The following EPB41L4B variants were observed in gnomAD, a reference collection of about 807,000 sequenced individuals.
EPB41L4B encodes erythrocyte membrane protein band 4.1 like 4B.
EPB41L4B carries 30 observed loss-of-function variants against 112.5 expected under a neutral mutation model. The observed-to-expected ratio is 0.27, with a 90% confidence interval of 0.20 to 0.36. The LOEUF is 0.36. Ranked by LOEUF, EPB41L4B falls within the 10% of genes least tolerant of loss-of-function variation. The pLI is 1.00. For synonymous variants in EPB41L4B, 408 were observed against 439.7 expected (o/e 0.93, Z 0.90); for missense variants, 1,024 against 1,133.3 (o/e 0.90, Z 1.38).
intron 1 of EPB41L4B, among the ~76,000 whole-genome samples, chr9:109,284,970 G>A (rs550764551): frequency 4.6e-5 from 7 of 152,218 alleles, no homozygotes; most frequent in Non-Finnish European, 8.8e-5. Context: ...AATTGGGCCA[G>A]GAGGAAGCAA....
chr9:109,262,666 G>T (rs76102893), intron 6 of EPB41L4B, among the ~76,000 whole-genome samples: 39 of 152,166 alleles, frequency 2.6e-4, no homozygotes, highest in Admixed American at 7.2e-4. Context: ...ACTGCTGACT[G>T]CATGAAATTC....
At chr9:109,279,711 T>C in intron 2 of EPB41L4B, 106 bp downstream of exon 2, 9 of 932,756 alleles carry the variant, frequency 9.6e-6, no homozygotes, top group Non-Finnish European at 1.2e-5. Context: ...TGGCACAGTA[T>C]CACAGTTTTA....
rs114360932 is a variant in EPB41L4B, at chr9:109,316,419, A to G, written c.306+3722T>C. Among the ~76,000 whole-genome samples the G allele has an allele frequency of 6.0e-3, 907 of 152,354 alleles. 9 individuals carry two copies. Among genetic ancestry groups the G allele is most frequent in the Middle Eastern group, 0.027 (8 of 294 alleles). Reference sequence around the variant, plus strand: ...CAAAAGCGATGCCAGGGATTTAGTCAACAGAGAGCTAATATGAGTCAACAG... The same window carrying G: ...CAAAAGCGATGCCAGGGATTTAGTCGACAGAGAGCTAATATGAGTCAACAG... On this transcript the variant is annotated intron_variant, in intron 1 of 25. Transcript: ENST00000374566.
chr9:109,240,595 T>C (rs2118953509), intron 15 of EPB41L4B: 1 of 985,382 alleles, frequency 1.0e-6, no homozygotes, highest in East Asian at 1.1e-4. Flanking sequence ...GGGAAATAAA[T>C]ATTTTGGTAC....
chr9:109,245,968 G>A (rs1387354213), intron 14 of EPB41L4B, among the ~76,000 whole-genome samples: 2 of 152,352 alleles, frequency 1.3e-5, no homozygotes, highest in East Asian at 3.9e-4. Context: ...AGAGGGCACA[G>A]GCAGTGCTCA....
intron 16 of EPB41L4B, 79 bp from the exon 17 acceptor site, chr9:109,213,897 C>A: frequency 7.7e-7 from 1 of 1,296,220 alleles, no homozygotes; most frequent in Non-Finnish European, 1.1e-6. Flanking sequence ...CACTTGCCAG[C>A]GCCCGATTCC....
intron 12 of EPB41L4B, 71 bp downstream of exon 12, chr9:109,253,370 C>T (rs1834864364): frequency 1.8e-6 from 2 of 1,083,858 alleles, no homozygotes; most frequent in Non-Finnish European, 2.8e-6. Context: ...AGCTGCTTGA[C>T]CAAGCTCCTC....
intron 9 of EPB41L4B, 98 bp from the exon 10 acceptor site, chr9:109,255,941 A>G (rs1834966709): frequency 2.3e-6 from 3 of 1,305,016 alleles, no homozygotes; most frequent in Non-Finnish European, 3.2e-6. Flanking sequence ...TTAGACTAAA[A>G]AAAAAATAAA....
intron 13 of EPB41L4B, among the ~76,000 whole-genome samples, chr9:109,249,305 A>G (rs1834690193): frequency 6.6e-6 from 1 of 151,872 alleles, no homozygotes; most frequent in African/African-American, 2.4e-5. Flanking sequence ...TCATCAGGTA[A>G]GTTAAGCGTT....
chr9:109,185,587 G>A lies in EPB41L4B; in HGVS notation c.2320C>T (p.Pro774Ser), dbSNP rs766223617. Reference protein sequence around the residue: ...ATPLAEPASNPHCAHSRCSPP... With the variant: ...ATPLAEPASNSHCAHSRCSPP... ...GAACAGCGAGAGTGGGCACAGTGGG[G>A]GTTGCTGGCGGGCTCTGCCTGCTCA... The change falls in exon 23 of 26, where the codon CCC becomes TCC. Residue 774 changes from proline to serine, a missense_variant. Pro to Ser is a moderately conservative substitution (Grantham distance 74). Coordinates refer to ENST00000374566, the MANE Select transcript of EPB41L4B (RefSeq NM_019114.5). 9 of 1,610,856 alleles carry A rather than the reference G, an allele frequency of 5.6e-6. No individual in the cohort carries two copies. The highest frequency in any genetic ancestry group is 7.6e-6 in the Non-Finnish European group (9 of 1,178,376).
intron 19 of EPB41L4B, 133 bp from the exon 20 acceptor site, chr9:109,200,467 T>A: frequency 1.7e-6 from 1 of 576,966 alleles, no homozygotes; most frequent in Non-Finnish European, 3.1e-6. Context: ...TTTTTTTGCC[T>A]TTCTACCGTA....
Position 109,211,519 on chromosome 9 carries a change from C to T in EPB41L4B, c.1752+2181G>A, listed in dbSNP as rs139325458. Among the ~76,000 whole-genome samples, 1,127 of 148,978 alleles carry T rather than the reference C, an allele frequency of 7.6e-3. 10 individuals carry two copies. The highest frequency in any genetic ancestry group is 0.018 in the Middle Eastern group (5 of 282). On this transcript the variant is annotated intron_variant, in intron 17 of 25. Transcript: ENST00000374566. ...CTGAGGCAGAGGAATTGCTTGAACC[C>T]GGGAGGTGGAGGTTGCAGTGAGCCG...
At chr9:109,273,069 C>T (rs1303372946) in intron 2 of EPB41L4B, among the ~76,000 whole-genome samples, 1 of 152,080 alleles carries the variant, frequency 6.6e-6, no homozygotes, top group African/African-American at 2.4e-5. Flanking sequence ...GCCCTATAAA[C>T]TCACTTAACA....
chr9:109,299,283 T>C (rs1321277196), intron 1 of EPB41L4B, among the ~76,000 whole-genome samples: 4 of 152,172 alleles, frequency 2.6e-5, no homozygotes, highest in Non-Finnish European at 5.9e-5. Context: ...GATTTTTTTG[T>C]TTGTTTCTTT....
At chr9:109,204,387 AT>A (rs753379553) in intron 18 of EPB41L4B, among the ~76,000 whole-genome samples, 130 of 152,258 alleles carry the variant, frequency 8.5e-4, no homozygotes, top group Non-Finnish European at 1.2e-3. Context: ...TTGAGCAAAG[AT>A]TTCAAGCCTG....
At chr9:109,287,320 G>A (rs984199782) in intron 1 of EPB41L4B, among the ~76,000 whole-genome samples, 2 of 152,212 alleles carry the variant, frequency 1.3e-5, no homozygotes, top group African/African-American at 4.8e-5. Context: ...TAGGTAAGAT[G>A]CTGCTGACAA....
chr9:109,192,344 G>T lies in EPB41L4B; in HGVS notation c.2235C>A (p.Asp745Glu). The T allele has an allele frequency of 1.9e-6, 3 of 1,611,478 alleles. No individual in the cohort carries two copies. The highest frequency in any genetic ancestry group is 2.5e-6 in the Non-Finnish European group (3 of 1,178,778). The change falls in exon 22 of 26, where the codon GAC becomes GAA. Residue 745 changes from aspartate to glutamate, a missense_variant. Asp to Glu is a conservative substitution (Grantham distance 45). Coordinates refer to ENST00000374566, the MANE Select transcript of EPB41L4B (RefSeq NM_019114.5). ...GCTCCAGGGTAAAGGCACCTCCTCG[G>T]TCAGAGGGGCTCTAGGGAGACAGAC... Reference protein sequence around the residue: ...LLSPGAKSPSDRGGAFTLEPG... With the variant: ...LLSPGAKSPSERGGAFTLEPG...
intron 18 of EPB41L4B, 60 bp downstream of exon 18, chr9:109,207,864 T>C (rs1471728990): frequency 4.4e-6 from 7 of 1,604,486 alleles, no homozygotes; most frequent in East Asian, 2.2e-5. Context: ...CTCTTTCTTC[T>C]CTGTGGCATC....
Position 109,253,548 on chromosome 9 carries a change from C to T in EPB41L4B, c.1172G>A (p.Gly391Glu), listed in dbSNP as rs1464805988. ...IRLGSRFRFSGRTEYQATHGS... is the reference protein window; with the variant it reads ...IRLGSRFRFSERTEYQATHGS... ...ATGTGTAGCTTGATATTCTGTCCGC[C>T]CACTGGGAAGTAAATATTTTCTCGT... The change falls in exon 12 of 26, where the codon GGG (glycine) becomes GAG (glutamate). Residue 391 changes from glycine to glutamate, a missense_variant and splice_region_variant. Physicochemically the swap from Gly to Glu is moderately conservative, Grantham distance 98. Transcript: ENST00000374566. The T allele has an allele frequency of 6.2e-7, 1 of 1,600,554 alleles. No individual in the cohort carries two copies. Among genetic ancestry groups the T allele is most frequent in the South Asian group, 1.1e-5 (1 of 90,528 alleles).
Sources: allele counts gnomAD v4.1 joint callset (sites outside exome capture counted in the v4.1 genomes callset), GRCh38; gene constraint gnomAD v4.1.1; transcripts MANE v1.5; gene names NCBI Gene and HGNC (gene_info 2026-07-23, HGNC 2026-07-21).